ERC2: variants seen among roughly 807,000 people sequenced by gnomAD.
The protein encoded by ERC2 is ELKS/RAB6-interacting/CAST family member 2, also known as ERC protein 2.
In ERC2, 42 loss-of-function variants were observed where a neutral mutation model predicts 114.8. The observed-to-expected ratio is 0.37, with a 90% CI of 0.29 to 0.47. The LOEUF (loss-of-function observed/expected upper bound fraction) is 0.47. Among genes scored for constraint, ERC2 ranks in the 20% least tolerant of loss-of-function variants. ERC2 has a pLI of 0.99. For missense variants in ERC2, 939 were observed against 1,150.7 expected, an observed-to-expected ratio of 0.82 and a Z score of 2.66; for synonymous variants, 454 against 425.5, an observed-to-expected ratio of 1.07 and a Z score of -0.82.
At chr3:56,073,471 G>A (rs1440979119) in intron 7 of ERC2, among the ~76,000 whole-genome samples, 3 of 152,134 alleles carry the variant, frequency 2.0e-5, no homozygotes, top group African/African-American at 7.2e-5. Context: ...AGGGGAGTAG[G>A]GAGGTTCTAA....
At chr3:56,227,033 C>T (rs1444622860) in intron 3 of ERC2, among the ~76,000 whole-genome samples, 1 of 152,102 alleles carries the variant, frequency 6.6e-6, no homozygotes. Context: ...TGCTCTGTAA[C>T]CTACAGATCC....
intron 14 of ERC2, among the ~76,000 whole-genome samples, chr3:55,763,679 G>A (rs1240088716): frequency 6.6e-6 from 1 of 152,156 alleles, no homozygotes; most frequent in African/African-American, 2.4e-5. Context: ...ACTTTAAATT[G>A]TGGACATTTT....
At chr3:56,108,759 T>C (rs1288411998) in intron 6 of ERC2, among the ~76,000 whole-genome samples, 1 of 152,120 alleles carries the variant, frequency 6.6e-6, no homozygotes, top group African/African-American at 2.4e-5. Flanking sequence ...CCAATACCAT[T>C]CTGAAAAAGC....
At chr3:55,657,663 T>G (rs1354644200) in intron 17 of ERC2, 3 of 152,130 alleles carry the variant, frequency 2.0e-5, no homozygotes, top group African/African-American at 7.2e-5. Context: ...TTTTGCCATG[T>G]TTCCCAGGCT....
chr3:56,150,187 C>T (rs574034335), intron 4 of ERC2, among the ~76,000 whole-genome samples: 37 of 152,148 alleles, frequency 2.4e-4, no homozygotes, highest in Non-Finnish European at 4.4e-4. Flanking sequence ...TTCATTTTCT[C>T]AGAATCAAAA....
intron 14 of ERC2, among the ~76,000 whole-genome samples, chr3:55,757,562 T>C (rs1369133083): frequency 6.6e-6 from 1 of 152,176 alleles, no homozygotes; most frequent in Non-Finnish European, 1.5e-5. Context: ...AGTGCCTTAC[T>C]TTCTTAATCT....
intron 7 of ERC2, among the ~76,000 whole-genome samples, chr3:56,068,810 A>G (rs2076596216): frequency 6.6e-6 from 1 of 152,206 alleles, no homozygotes; most frequent in African/African-American, 2.4e-5. Flanking sequence ...CCCAGGAATC[A>G]TTCAGGAGCA....
chr3:56,053,537 T>C (rs140914559), intron 7 of ERC2, among the ~76,000 whole-genome samples: 61 of 152,316 alleles, frequency 4.0e-4, no homozygotes, highest in African/African-American at 1.3e-3. Context: ...TACATGTCCT[T>C]GCCATTACAA....
At chr3:56,021,876 T>C (rs1446082763) in intron 7 of ERC2, among the ~76,000 whole-genome samples, 1 of 152,226 alleles carries the variant, frequency 6.6e-6, no homozygotes, top group Non-Finnish European at 1.5e-5. Flanking sequence ...TCCAGCTCCA[T>C]CCATGTTCCC....
intron 14 of ERC2, among the ~76,000 whole-genome samples, chr3:55,883,539 T>TATACAC (rs1553716980): frequency 7.0e-6 from 1 of 143,854 alleles, no homozygotes; most frequent in Non-Finnish European, 1.5e-5. Context: ...TAATTAAACA[T>TATACAC]ACACACACAC....
At chr3:55,916,709 C>T (rs1473368188) in intron 13 of ERC2, among the ~76,000 whole-genome samples, 1 of 152,076 alleles carries the variant, frequency 6.6e-6, no homozygotes, top group Non-Finnish European at 1.5e-5. Context: ...CAGGAGTAGC[C>T]CTGCTGCCTC....
At chr3:55,633,904 G>A (rs1460645561) in intron 17 of ERC2, among the ~76,000 whole-genome samples, 1 of 152,126 alleles carries the variant, frequency 6.6e-6, no homozygotes, top group Non-Finnish European at 1.5e-5. Flanking sequence ...CCATGCCTGG[G>A]AGTCAAGGGT....
At chr3:55,890,880 T>C (rs2063565995) in intron 13 of ERC2, among the ~76,000 whole-genome samples, 1 of 152,210 alleles carries the variant, frequency 6.6e-6, no homozygotes, top group Non-Finnish European at 1.5e-5. Flanking sequence ...CACATCCTTC[T>C]AGTTTTAGCA....
chr3:56,102,724 C>T (rs1221501746), intron 6 of ERC2, among the ~76,000 whole-genome samples: 1 of 152,178 alleles, frequency 6.6e-6, no homozygotes, highest in Non-Finnish European at 1.5e-5. Context: ...AGTTGAATTT[C>T]TTCTTGAAGA....
intron 2 of ERC2, among the ~76,000 whole-genome samples, chr3:56,309,096 T>C (rs138936927): frequency 2.0e-5 from 3 of 152,312 alleles, no homozygotes; most frequent in African/African-American, 7.2e-5. Flanking sequence ...GGCCCCAGTG[T>C]GTGGTGGAAG....
intron 6 of ERC2, among the ~76,000 whole-genome samples, chr3:56,098,196 C>T (rs548292378): frequency 6.6e-6 from 1 of 152,304 alleles, no homozygotes; most frequent in Admixed American, 6.5e-5. Flanking sequence ...ATTTCAAATG[C>T]AAGCAAGTTT....
intron 12 of ERC2, among the ~76,000 whole-genome samples, chr3:55,957,529 C>T (rs943785342): frequency 1.6e-4 from 24 of 152,310 alleles, no homozygotes; most frequent in African/African-American, 5.8e-4. Context: ...CCAGCCGCAC[C>T]CCTGCTTGGG....
chr3:55,767,986 C>T (rs923492954), intron 14 of ERC2, among the ~76,000 whole-genome samples: 1 of 152,156 alleles, frequency 6.6e-6, no homozygotes, highest in Non-Finnish European at 1.5e-5. Context: ...CTTTGCTGTT[C>T]TCATAATAGT....
intron 17 of ERC2, among the ~76,000 whole-genome samples, chr3:55,584,552 C>T (rs2107580607): frequency 6.6e-6 from 1 of 152,206 alleles, no homozygotes; most frequent in African/African-American, 2.4e-5. Context: ...TTCCCACTTA[C>T]CCTATTTAGT....
Sources: gnomAD v4.1 joint callset for allele counts (sites outside exome capture counted in the v4.1 genomes callset) on GRCh38, gnomAD v4.1.1 for gene constraint, MANE v1.5 for transcripts, NCBI Gene and HGNC (gene_info 2026-07-23, HGNC 2026-07-21) for gene names.